The following SDK1 variants were observed in gnomAD, a reference collection of about 807,000 sequenced individuals.
The protein encoded by SDK1 is protein sidekick-1.
A neutral mutation model predicts 245.5 loss-of-function variants in SDK1; 157 were observed. That is an observed-to-expected ratio of 0.64 (90% CI 0.56 to 0.73). The LOEUF (loss-of-function observed/expected upper bound fraction) is 0.73, where lower values mean the gene tolerates loss of function less well. Ranked by LOEUF, SDK1 falls within the 30% of genes least tolerant of loss-of-function variation. SDK1 has a pLI of 0.00. For synonymous variants in SDK1, 1,647 were observed against 1,278.5 expected, an observed-to-expected ratio of 1.29 and a Z score of -6.15; for missense variants, 3,583 against 3,002.3, an observed-to-expected ratio of 1.19 and a Z score of -4.52.
rs999780524 is a variant in SDK1 at position 3,867,466 on chromosome 7, C to T, written c.847+45883C>T. Among the ~76,000 whole-genome samples, 4 of 152,284 alleles carry T rather than the reference C, an allele frequency of 2.6e-5. No homozygotes were observed. In the South Asian group the frequency reaches 8.3e-4, roughly 32 times the overall value. Reference sequence around the variant, plus strand: ...AAGAAAAAGAGGTTTAATGGACTCACAGTGTCATATGGCTGGGGCGGCCTC... The same window carrying T: ...AAGAAAAAGAGGTTTAATGGACTCATAGTGTCATATGGCTGGGGCGGCCTC... On this transcript the variant is annotated intron_variant, in intron 5 of 44. Transcript: ENST00000404826.
intron 5 of SDK1, among the ~76,000 whole-genome samples, chr7:3,878,488 G>C (rs1305288041): frequency 6.6e-6 from 1 of 152,184 alleles, no homozygotes; most frequent in Non-Finnish European, 1.5e-5. Context: ...CTGCACTCCA[G>C]CCTGGGTGAC....
At chr7:3,938,952 G>A (rs1430166053) in intron 5 of SDK1, among the ~76,000 whole-genome samples, 1 of 152,194 alleles carries the variant, frequency 6.6e-6, no homozygotes, top group African/African-American at 2.4e-5. Flanking sequence ...TAAATGAGAA[G>A]AAAAGAAACT....
chr7:4,045,701 G>T (rs1183047075), intron 17 of SDK1, among the ~76,000 whole-genome samples: 7 of 152,126 alleles, frequency 4.6e-5, no homozygotes, highest in Admixed American at 1.3e-4. Context: ...ATCTCAAACT[G>T]CGAGGGCCTT....
intron 1 of SDK1, among the ~76,000 whole-genome samples, chr7:3,349,998 A>AG (rs1258662339): frequency 6.6e-6 from 1 of 152,210 alleles, no homozygotes; most frequent in East Asian, 1.9e-4. Context: ...TAGCAGGTAG[A>AG]GGATGAAGTT....
intron 1 of SDK1, among the ~76,000 whole-genome samples, chr7:3,561,356 G>A (rs938317309): frequency 1.3e-5 from 2 of 152,176 alleles, no homozygotes; most frequent in South Asian, 4.1e-4. Flanking sequence ...GTCAGGGATG[G>A]AGCTTTTATT....
At chr7:3,888,581 A>G (rs936323345) in intron 5 of SDK1, among the ~76,000 whole-genome samples, 1 of 152,256 alleles carries the variant, frequency 6.6e-6, no homozygotes, top group African/African-American at 2.4e-5. Context: ...TTTCTACAGT[A>G]TATCATCACA....
At chr7:3,651,780 G>A (rs1425120225) in intron 4 of SDK1, among the ~76,000 whole-genome samples, 2 of 152,172 alleles carry the variant, frequency 1.3e-5, no homozygotes, top group Admixed American at 6.5e-5. Context: ...AACCATACAT[G>A]TAATTCAGGT....
At chr7:3,420,726 A>G (rs1779512145) in intron 1 of SDK1, among the ~76,000 whole-genome samples, 1 of 152,206 alleles carries the variant, frequency 6.6e-6, no homozygotes, top group Non-Finnish European at 1.5e-5. Context: ...TTATGGAAGA[A>G]TTTGCGACAG....
chr7:3,378,771 G>C (rs955869272), intron 1 of SDK1, among the ~76,000 whole-genome samples: 1 of 151,586 alleles, frequency 6.6e-6, no homozygotes, highest in African/African-American at 2.4e-5. Flanking sequence ...AGGGCAGGGA[G>C]CATATAGCGG....
At chr7:3,522,747 C>A (rs1172322502) in intron 1 of SDK1, among the ~76,000 whole-genome samples, 1 of 152,150 alleles carries the variant, frequency 6.6e-6, no homozygotes, top group Non-Finnish European at 1.5e-5. Context: ...AATCACTGAC[C>A]AATTCCAGCT....
chr7:3,546,832 C>T (rs780486901), intron 1 of SDK1, among the ~76,000 whole-genome samples: 9 of 152,116 alleles, frequency 5.9e-5, no homozygotes, highest in Admixed American at 2.6e-4. Context: ...GTTACCTACC[C>T]GTTAGAGTTT....
At chr7:3,566,144 G>C (rs1033379504) in intron 1 of SDK1, among the ~76,000 whole-genome samples, 1 of 151,572 alleles carries the variant, frequency 6.6e-6, no homozygotes, top group East Asian at 1.9e-4. Flanking sequence ...GTCGTAAAAA[G>C]GTGTCAGTTC....
At chr7:3,864,630 T>C (rs1270524885) in intron 5 of SDK1, among the ~76,000 whole-genome samples, 1 of 152,158 alleles carries the variant, frequency 6.6e-6, no homozygotes, top group Non-Finnish European at 1.5e-5. Flanking sequence ...GGGGCACAGC[T>C]GACCTTGGCC....
rs577038684 is a variant in SDK1 at position 3,809,700 on chromosome 7, G to A, written c.714-11750G>A. On this transcript the variant is annotated intron_variant, in intron 4 of 44. Transcript: ENST00000404826. Reference sequence around the variant, plus strand: ...AAAGAAGAGCCCTCTGCTTCCTAGCGGCTGCTGCGTATGCTTGGTCCAGCC... The same window carrying A: ...AAAGAAGAGCCCTCTGCTTCCTAGCAGCTGCTGCGTATGCTTGGTCCAGCC... Among the ~76,000 whole-genome samples the A allele has an allele frequency of 3.9e-5, 6 of 152,246 alleles. No individual in the cohort carries two copies. In the South Asian group the frequency reaches 8.3e-4, roughly 21 times the overall value.
intron 41 of SDK1, among the ~76,000 whole-genome samples, chr7:4,234,938 G>A (rs1014341697): frequency 2.0e-5 from 3 of 152,196 alleles, no homozygotes; most frequent in Admixed American, 2.0e-4. Context: ...CTGGGATTAG[G>A]AAGAAGCTGT....
At chr7:3,648,290 C>G (rs776252645) in intron 4 of SDK1, among the ~76,000 whole-genome samples, 13 of 152,088 alleles carry the variant, frequency 8.5e-5, no homozygotes, top group Non-Finnish European at 1.9e-4. Context: ...AAAATCTTAA[C>G]TCTGTACAGT....
rs1301380961 is a variant in SDK1, at chr7:4,000,950, G to A, written c.2132-10016G>A. ...CCATGGCTGTGTTGGGGGCCCAGAG[G>A]GGGCTGAGGTCTGCTTCTGCGTTCA... On this transcript the variant is annotated intron_variant, in intron 14 of 44. Coordinates refer to ENST00000404826, the MANE Select transcript of SDK1 (RefSeq NM_152744.4). 2.6e-5 allele frequency among the ~76,000 whole-genome samples: 4 copies of A among 152,138 alleles called. No individual in the cohort carries two copies. In the South Asian group the frequency reaches 8.3e-4, roughly 32 times the overall value.
At chr7:3,500,084 TTGGG>T (rs1002280402) in intron 1 of SDK1, among the ~76,000 whole-genome samples, 3 of 151,940 alleles carry the variant, frequency 2.0e-5, no homozygotes, top group African/African-American at 7.3e-5. Context: ...AAAAAGGTGG[TTGGG>T]TGGGTGAGTG....
intron 1 of SDK1, among the ~76,000 whole-genome samples, chr7:3,372,958 G>A (rs1781264592): frequency 6.6e-6 from 1 of 152,174 alleles, no homozygotes; most frequent in East Asian, 1.9e-4. Flanking sequence ...GGCTTTTGAT[G>A]CTGAAACTTA....
Sources: allele counts gnomAD v4.1 joint callset (sites outside exome capture counted in the v4.1 genomes callset), GRCh38; gene constraint gnomAD v4.1.1; transcripts MANE v1.5; gene names NCBI Gene and HGNC (gene_info 2026-07-23, HGNC 2026-07-21).